Variants in MCAM observed in about 807,000 individuals in gnomAD.
MCAM encodes melanoma cell adhesion molecule, also known as cell surface glycoprotein MUC18.
Under a neutral mutation model 79.1 loss-of-function variants are expected in MCAM, and 55 were observed. The observed-to-expected ratio is 0.70, with a 90% CI of 0.56 to 0.87. MCAM has a LOEUF of 0.87. MCAM is among the 40% of genes least tolerant of loss of function. MCAM has a pLI of 0.00. For missense variants in MCAM, 745 were observed against 839.8 expected (o/e 0.89, Z 1.40); for synonymous variants, 330 against 339.8 (o/e 0.97, Z 0.32).
chr11:119,314,569 G>T lies in MCAM; in HGVS notation c.479C>A (p.Thr160Asn), dbSNP rs1485829683. 1 of 1,613,830 alleles carries T rather than the reference G, an allele frequency of 6.2e-7. No homozygotes were observed. The highest frequency in any genetic ancestry group is 8.5e-7 in the Non-Finnish European group (1 of 1,179,932). ...GGGGTACCCGTTCCTCCCTACACAG[G>T]TAGCGACCTAAAGAGCACAGGGTGT... Reference protein sequence around the residue: ...VNSKEPEEVATCVGRNGYPIP... With the variant: ...VNSKEPEEVANCVGRNGYPIP... The change falls in exon 5 of 16, where the codon ACC becomes AAC. Residue 160 changes from threonine to asparagine, a missense_variant. By Grantham distance (65) the Thr-to-Asn change is moderately conservative. Coordinates refer to ENST00000264036, the MANE Select transcript of MCAM (RefSeq NM_006500.3).
chr11:119,316,115 T>C lies in MCAM; in HGVS notation c.68-852A>G, dbSNP rs1950308309. On this transcript the variant is annotated intron_variant, in intron 1 of 15. Coordinates refer to ENST00000264036, the MANE Select transcript of MCAM (RefSeq NM_006500.3). The surrounding 1 kb of genome is among the most constrained non-coding windows in gnomAD (Gnocchi z 4.8). Reference sequence around the variant, plus strand: ...CCGGCTGCAACTGTGGAGCCCGATTTAGCCCTTTCCCCAGAAATAAAGTCA... The same window carrying C: ...CCGGCTGCAACTGTGGAGCCCGATTCAGCCCTTTCCCCAGAAATAAAGTCA... 6.5e-6 allele frequency: 1 copy of C among 152,788 alleles called. No individual in the cohort carries two copies. Among genetic ancestry groups the C allele is most frequent in the African/African-American group, 2.4e-5 (1 of 41,464 alleles). The allele number at this position is 152,788 out of a possible 1,614,324, so 9.5% of individuals were successfully genotyped here. A position where few individuals can be genotyped will look rare whatever the true frequency, so the allele number is the denominator to read the frequency against.
At position 119,308,945 on chromosome 11, in the gene MCAM, C is replaced by T. The variant is rs1428290585; in HGVS notation, c.*941G>A. The T allele has an allele frequency of 3.3e-5, 5 of 152,304 alleles. No homozygotes were observed. The highest frequency in any genetic ancestry group is 7.2e-5 in the African/African-American group (3 of 41,556). The allele number at this position is 152,304 out of a possible 1,614,324, so 9.4% of individuals were successfully genotyped here. A position where few individuals can be genotyped will look rare whatever the true frequency, so the allele number is the denominator to read the frequency against. ...ATTCACCTGAACTCGAAAACAGCGC[C>T]CAGCTTCCTCACCGCAGGCACGTAT... On this transcript the variant is annotated 3_prime_UTR_variant, in exon 16 of 16. Transcript: ENST00000264036.
intron 13 of MCAM, 40 bp from the exon 14 acceptor site, chr11:119,310,943 G>T (rs1387050477): frequency 1.9e-6 from 3 of 1,613,948 alleles, no homozygotes; most frequent in Non-Finnish European, 2.5e-6. Context: ...CCTGCCCCAG[G>T]CCACTTCGTC....
In MCAM at chr11:119,312,240, C is replaced by G. The variant is rs377732617; in HGVS notation, c.1024+26G>C. ...TTCCCTATTGCCCCAGCCTGGTCCC[C>G]CTGTCCTGGGTCCCCAGCCCCTCAC... is the stretch of plus-strand genomic sequence containing the variant. On this transcript the variant is annotated intron_variant, in intron 8 of 15. Transcript: ENST00000264036. The surrounding 1 kb of genome is among the most constrained non-coding windows in gnomAD (Gnocchi z 4.9). 52 of 1,613,166 alleles carry G rather than the reference C, an allele frequency of 3.2e-5. No homozygotes were observed. The highest frequency in any genetic ancestry group is 4.3e-5 in the Non-Finnish European group (51 of 1,179,454).
chr11:119,313,600 C>T (rs925839121), intron 5 of MCAM: 7 of 296,378 alleles, frequency 2.4e-5, no homozygotes, highest in African/African-American at 6.6e-5. Context: ...GGGGTTTCTC[C>T]GTGTTGGACA....
In MCAM at chr11:119,311,505, T is replaced by C; in HGVS notation, c.1407+25A>G. 1 of 1,613,716 alleles carries C rather than the reference T, an allele frequency of 6.2e-7. No individual in the cohort carries two copies. The highest frequency in any genetic ancestry group is 8.5e-7 in the Non-Finnish European group (1 of 1,179,914). The stretch of plus-strand genomic sequence containing the variant: ...AAAGCGCAGGCAGGGATTAGGAGAG[T>C]GTGGCAGATGAGACACCCGCTCACC... On this transcript the variant is annotated intron_variant, in intron 11 of 15. Coordinates refer to ENST00000264036, the MANE Select transcript of MCAM (RefSeq NM_006500.3). This position sits in a 1 kb window ranked among gnomAD's most constrained non-coding sequence, Gnocchi z 4.4.
intron 14 of MCAM, 64 bp from the exon 15 acceptor site, chr11:119,310,530 G>A: frequency 8.4e-7 from 1 of 1,188,238 alleles, no homozygotes; most frequent in East Asian, 2.3e-5. Context: ...AGGGCCCGCT[G>A]TGAAGGATGT....
At position 119,311,553 on chromosome 11, in the gene MCAM, T is replaced by C. The variant is rs534168830; in HGVS notation, c.1384A>G (p.Ile462Val). Reference sequence around the variant, plus strand: ...ACCGTGCCGTTGACGTTCCAGGAGATGGTGGGCCGGGGGTGCCCTGACGCT... The same window carrying C: ...ACCGTGCCGTTGACGTTCCAGGAGACGGTGGGCCGGGGGTGCCCTGACGCT... ...CEASGHPRPT[I>V]SWNVNGTASE... is the part of the protein sequence containing the mutation. Residue 462 changes from isoleucine to valine, a missense_variant, in exon 11 of 16, where the codon ATC becomes GTC. Physicochemically the swap from Ile to Val is conservative, Grantham distance 29. Transcript: ENST00000264036. The surrounding 1 kb of genome is among the most constrained non-coding windows in gnomAD (Gnocchi z 4.4). 1 of 1,614,072 alleles carries C rather than the reference T, an allele frequency of 6.2e-7. No individual in the cohort carries two copies. Among genetic ancestry groups the C allele is most frequent in the East Asian group, 2.2e-5 (1 of 44,864 alleles).
chr11:119,309,803 C>A lies in MCAM; in HGVS notation c.*83G>T. 3 of 1,391,788 alleles carry A rather than the reference C, an allele frequency of 2.2e-6. No individual in the cohort carries two copies. Among genetic ancestry groups the A allele is most frequent in the South Asian group, 1.2e-5 (1 of 81,008 alleles). The allele number at this position is 1,391,788 out of a possible 1,614,324, so 86.2% of individuals were successfully genotyped here. ...GGGAGCAGGAGGCTTCTCTCTAGTC[C>A]CTTTGGAGGCTTTGGCTGAGAGAAG... On this transcript the variant is annotated 3_prime_UTR_variant, in exon 16 of 16. Transcript: ENST00000264036.
chr11:119,314,523 G>A lies in MCAM; in HGVS notation c.525C>T (p.Tyr175=), dbSNP rs575815384. The part of the protein sequence containing the change: ...NGYPIPQVIW[Y]KNGRPLKEEK... Reference sequence around the variant, plus strand: ...CCTCCTTCAGAGGCCGGCCATTCTTGTACCAGATGACTTGAGGAATGGGGT... The same window carrying A: ...CCTCCTTCAGAGGCCGGCCATTCTTATACCAGATGACTTGAGGAATGGGGT... The change falls in exon 5 of 16, where the codon TAC becomes TAT. Residue 175 remains tyrosine (Y), a synonymous_variant. Transcript: ENST00000264036. 2.5e-6 allele frequency: 4 copies of A among 1,613,792 alleles called. No homozygotes were observed. In the East Asian group the frequency reaches 8.9e-5, roughly 36 times the overall value.
rs376841709 is a variant in MCAM at position 119,312,549 on chromosome 11, G to T, written c.839C>A (p.Pro280Gln). The change falls in exon 7 of 16, where the codon CCA becomes CAA. Residue 280 changes from proline to glutamine, a missense_variant. Pro to Gln is a moderately conservative substitution (Grantham distance 76). Coordinates refer to ENST00000264036, the MANE Select transcript of MCAM (RefSeq NM_006500.3). This position sits in a 1 kb window ranked among gnomAD's most constrained non-coding sequence, Gnocchi z 4.9. The stretch of plus-strand genomic sequence containing the variant: ...CACCTGCTTGCTGATGCTGAAGTGT[G>T]GTGGAGGGTTGCCATCAGCCAAACA... ...IRCLADGNPP[P>Q]HFSISKQNPS... 6.2e-7 allele frequency: 1 copy of T among 1,614,100 alleles called. No individual in the cohort carries two copies. Among genetic ancestry groups the T allele is most frequent in the Non-Finnish European group, 8.5e-7 (1 of 1,180,018 alleles).
In MCAM at chr11:119,311,824, G is replaced by A; in HGVS notation, c.1269C>T (p.Val423=). The A allele has an allele frequency of 6.2e-7, 1 of 1,614,066 alleles. No individual in the cohort carries two copies. Among genetic ancestry groups the A allele is most frequent in the Non-Finnish European group, 8.5e-7 (1 of 1,180,004 alleles). The change falls in exon 10 of 16, where the codon GTC becomes GTT. Residue 423 remains valine, a synonymous_variant. Transcript: ENST00000264036. The surrounding 1 kb of genome is among the most constrained non-coding windows in gnomAD (Gnocchi z 4.4). ...SIPGLNRTQL[V]NVAIFGPPWM... is the part of the protein sequence containing the mutation. ...GGGCCTCACCAAAAATGGCCACGTT[G>A]ACCAGCTGTGTGCGGTTCAGGCCGG...
At position 119,314,515 on chromosome 11, in the gene MCAM, C is replaced by A. The variant is rs759466837; in HGVS notation, c.533G>T (p.Gly178Val). ...PIPQVIWYKN[G>V]RPLKEEKNRV... ...GTTCTTCTCCTCCTTCAGAGGCCGG[C>A]CATTCTTGTACCAGATGACTTGAGG... Residue 178 changes from glycine to valine, a missense_variant, in exon 5 of 16, where the codon GGC becomes GTC. By Grantham distance (109) the Gly-to-Val change is moderately radical. Coordinates refer to ENST00000264036, the MANE Select transcript of MCAM (RefSeq NM_006500.3). 88 of 1,613,858 alleles carry A rather than the reference C, an allele frequency of 5.5e-5. No homozygotes were observed. The highest frequency in any genetic ancestry group is 7.0e-5 in the Non-Finnish European group (83 of 1,179,974).
chr11:119,309,942 G>A, intron 15 of MCAM, 27 bp from the exon 16 acceptor site: 1 of 1,588,974 alleles, frequency 6.3e-7, no homozygotes, highest in South Asian at 1.1e-5. Context: ...GAGAAGAGGG[G>A]AACACGGAGA....
In MCAM at chr11:119,314,872, G is replaced by A. The variant is rs1278912763; in HGVS notation, c.361C>T (p.Pro121Ser). 2 of 1,613,606 alleles carry A rather than the reference G, an allele frequency of 1.2e-6. No homozygotes were observed. Among genetic ancestry groups the A allele is most frequent in the Non-Finnish European group, 8.5e-7 (1 of 1,180,034 alleles). The change falls in exon 3 of 16, where the codon CCT becomes TCT. Residue 121 changes from proline (P) to serine (S), a missense_variant. Physicochemically the swap from Pro to Ser is moderately conservative, Grantham distance 74 (BLOSUM62 -1). Coordinates refer to ENST00000264036, the MANE Select transcript of MCAM (RefSeq NM_006500.3). Reference sequence around the variant, plus strand: ...TGGATGCGGTACTCCTGGGACCGAGGGCGCTTGCCCTGGCACAAGAAGATG... The same window carrying A: ...TGGATGCGGTACTCCTGGGACCGAGAGCGCTTGCCCTGGCACAAGAAGATG... ...ERIFLCQGKR[P>S]RSQEYRIQLR... is the part of the protein sequence containing the mutation.
Position 119,312,221 on chromosome 11 carries a change from A to G in MCAM, c.1024+45T>C, listed in dbSNP as rs1950244638. 1 of 1,611,566 alleles carries G rather than the reference A, an allele frequency of 6.2e-7. No individual in the cohort carries two copies. ...CAGGGCAGGGTGGGGCCAGTTCCCT[A>G]TTGCCCCAGCCTGGTCCCCCTGTCC... is the stretch of plus-strand genomic sequence containing the variant. On this transcript the variant is annotated intron_variant, in intron 8 of 15. Transcript: ENST00000264036. The surrounding 1 kb of genome is among the most constrained non-coding windows in gnomAD (Gnocchi z 4.9).
At position 119,315,523 on chromosome 11, in the gene MCAM, G is replaced by A. The variant is rs150751664; in HGVS notation, c.68-260C>T. 14 of 492,866 alleles carry A rather than the reference G, an allele frequency of 2.8e-5. No individual in the cohort carries two copies. The highest frequency in any genetic ancestry group is 5.2e-5 in the Non-Finnish European group (14 of 271,156). 30.5% of individuals were successfully genotyped at this position (492,866 alleles called of 1,614,324 possible). A position where few individuals can be genotyped will look rare whatever the true frequency, so the allele number is the denominator to read the frequency against. On this transcript the variant is annotated intron_variant, in intron 1 of 15. Transcript: ENST00000264036. The surrounding 1 kb of genome is among the most constrained non-coding windows in gnomAD (Gnocchi z 4.4). ...CGAACAGCTCCAGCTGAGGCTGGTAGAGGGGCAGAAAGGGGCAACCTAGGC... is the reference window on the plus strand; with the variant it reads ...CGAACAGCTCCAGCTGAGGCTGGTAAAGGGGCAGAAAGGGGCAACCTAGGC...
rs1950227950 is a variant in MCAM, at chr11:119,311,128, G to A, written c.1607C>T (p.Thr536Ile). The A allele has an allele frequency of 6.2e-7, 1 of 1,614,142 alleles. No homozygotes were observed. Among genetic ancestry groups the A allele is most frequent in the African/African-American group, 1.3e-5 (1 of 74,942 alleles). The change falls in exon 13 of 16, where the codon ACT (threonine) becomes ATT (isoleucine). Residue 536 changes from threonine to isoleucine, a missense_variant. Physicochemically the swap from Thr to Ile is moderately conservative, Grantham distance 89. Transcript: ENST00000264036. This position sits in a 1 kb window ranked among gnomAD's most constrained non-coding sequence, Gnocchi z 4.4. ...GTTGGCTCTGGTATGAGGACTGGCA[G>A]TGGAAGTGCTGAGGCCAGTGGTTGT... ...SNTTTGLSTS[T>I]ASPHTRANST...
chr11:119,310,569 G>T, intron 14 of MCAM, 103 bp from the exon 15 acceptor site: 1 of 1,080,708 alleles, frequency 9.3e-7, no homozygotes, highest in Non-Finnish European at 1.4e-6. Context: ...TTGCTCCAGG[G>T]CCAGCCCAGG....
Sources: gnomAD v4.1 joint callset for allele counts on GRCh38, gnomAD v4.1.1 for gene constraint, Gnocchi (gnomAD v3.1) non-coding constraint, MANE v1.5 for transcripts, NCBI Gene and HGNC (gene_info 2026-07-23, HGNC 2026-07-21) for gene names.